Variants in APOOL observed in about 807,000 individuals in gnomAD.
APOOL encodes MICOS complex subunit MIC27.
APOOL carries 12 observed loss-of-function variants against 23.1 expected under a neutral mutation model. The ratio of observed to expected loss-of-function variants is 0.52; its 90% CI spans 0.33 to 0.84. The LOEUF (loss-of-function observed/expected upper bound fraction) is 0.84, where lower values mean the gene tolerates loss of function less well. Ranked by LOEUF, APOOL falls within the 40% of genes least tolerant of loss-of-function variation. APOOL has a pLI of 0.02. For synonymous variants in APOOL, 77 were observed against 69.9 expected (o/e 1.10, Z -0.51); for missense variants, 212 against 199.6 (o/e 1.06, Z -0.37).
Position 85,067,207 on chromosome X carries a change from A to G in APOOL, c.475A>G (p.Ile159Val). The G allele has an allele frequency of 5.3e-6, 6 of 1,137,168 alleles. No individual in the cohort carries two copies. Among genetic ancestry groups the G allele is most frequent in the African/African-American group, 1.8e-5 (1 of 55,913 alleles). 93.7% of individuals were successfully genotyped at this position (1,137,168 alleles called of 1,213,427 possible). ...ATVCYPVQSV[I>V]IAKVTAKKVY... ...TGTTTGCTACCCAGTTCAGTCCGTA[A>G]TAATTGCTAAGGTAAGTTCTTTTTA... Residue 159 changes from isoleucine (I) to valine (V), a missense_variant, in exon 6 of 9, where the codon ATA becomes GTA. By Grantham distance (29) the Ile-to-Val change is conservative. Coordinates refer to ENST00000373173, the MANE Select transcript of APOOL (RefSeq NM_198450.6).
intron 8 of APOOL, among the ~76,000 whole-genome samples, chrX:85,086,133 G>T (rs1924281955): frequency 8.9e-6 from 1 of 111,893 alleles, no homozygotes; most frequent in Non-Finnish European, 1.9e-5. Context: ...CCAAATCCAG[G>T]AGTTGATTCT....
At chrX:85,055,732 T>A in intron 4 of APOOL, 95 bp from the exon 5 acceptor site, 2 of 571,174 alleles carry the variant, frequency 3.5e-6, no homozygotes, top group Non-Finnish European at 5.3e-6. Flanking sequence ...CTCATTATTA[T>A]CTTAGCAAAT....
chrX:85,046,129 T>A (rs375241236), intron 1 of APOOL, among the ~76,000 whole-genome samples: 1 of 111,364 alleles, frequency 9.0e-6, no homozygotes, highest in Admixed American at 9.6e-5. Flanking sequence ...TCAAGACCAA[T>A]CCCACTCCAT....
rs1433905265 is a variant in APOOL at position 85,089,877 on chromosome X, C to G, written c.*2199C>G. The G allele has an allele frequency of 1.8e-5, 2 of 109,063 alleles. No individual in the cohort carries two copies. The highest frequency in any genetic ancestry group is 3.8e-5 in the Non-Finnish European group (2 of 52,707). 9.0% of individuals were successfully genotyped at this position (109,063 alleles called of 1,213,427 possible). A position where few individuals can be genotyped will look rare whatever the true frequency, so the allele number is the denominator to read the frequency against. On this transcript the variant is annotated 3_prime_UTR_variant, in exon 9 of 9. Coordinates refer to ENST00000373173, the MANE Select transcript of APOOL (RefSeq NM_198450.6). Reference sequence around the variant, plus strand: ...AATAGCCTTCAGGCTAATTTGCTCACTGTCAATCTTGCTGTCTCTCATTTC... The same window carrying G: ...AATAGCCTTCAGGCTAATTTGCTCAGTGTCAATCTTGCTGTCTCTCATTTC...
At chrX:85,029,966 A>G (rs1406489998) in intron 1 of APOOL, among the ~76,000 whole-genome samples, 1 of 112,049 alleles carries the variant, frequency 8.9e-6, no homozygotes, top group Non-Finnish European at 1.9e-5. Context: ...TTAAATAACT[A>G]AAAGTATGTC....
chrX:85,088,927 C>T lies in APOOL; in HGVS notation c.*1249C>T, dbSNP rs1458249434. On this transcript the variant is annotated 3_prime_UTR_variant, in exon 9 of 9. Transcript: ENST00000373173. Reference sequence around the variant, plus strand: ...CTTCTCTGTCTTAAATCAACAATAACAAAACAAGACAAAAACCTTTCCTTA... The same window carrying T: ...CTTCTCTGTCTTAAATCAACAATAATAAAACAAGACAAAAACCTTTCCTTA... 1 of 111,311 alleles carries T rather than the reference C, an allele frequency of 9.0e-6. No homozygotes were observed. The highest frequency in any genetic ancestry group is 2.8e-4 in the East Asian group (1 of 3,517). 9.2% of individuals were successfully genotyped at this position (111,311 alleles called of 1,213,427 possible). A position where few individuals can be genotyped will look rare whatever the true frequency, so the allele number is the denominator to read the frequency against.
At chrX:85,082,737 C>T (rs1009351023) in intron 8 of APOOL, among the ~76,000 whole-genome samples, 5 of 111,794 alleles carry the variant, frequency 4.5e-5, no homozygotes, top group Non-Finnish European at 9.4e-5. Context: ...TGACAGAGAC[C>T]ATATGGTTCA....
chrX:85,084,149 T>G (rs1266114153), intron 8 of APOOL, among the ~76,000 whole-genome samples: 5 of 102,277 alleles, frequency 4.9e-5, no homozygotes, highest in Admixed American at 1.1e-4. Context: ...TTTTTTTTTT[T>G]TTTTGAGATG....
At chrX:85,009,180 TATC>T (rs1369029573) in intron 1 of APOOL, among the ~76,000 whole-genome samples, 7 of 111,865 alleles carry the variant, frequency 6.3e-5, no homozygotes, top group Admixed American at 9.5e-5. Flanking sequence ...CTATGTATAA[TATC>T]ATGTAATCTG....
chrX:85,033,850 C>T (rs1429797751), intron 1 of APOOL, among the ~76,000 whole-genome samples: 2 of 111,750 alleles, frequency 1.8e-5, no homozygotes, highest in Non-Finnish European at 3.8e-5. Context: ...TTTCCTTTGC[C>T]AGCCATACTG....
In APOOL at chrX:85,062,011, G is replaced by A. The variant is rs184107641; in HGVS notation, c.395-5116G>A. Among the ~76,000 whole-genome samples the A allele has an allele frequency of 1.8e-3, 197 of 109,378 alleles. 1 individual carries two copies. The highest frequency in any genetic ancestry group is 3.3e-3 in the Non-Finnish European group (174 of 52,327). The allele number at this position is 109,378 out of a possible 115,157, so 95.0% of individuals were successfully genotyped here. ...AGATCTTTCCTGCTTTCTCTTGTGG[G>A]CATTTAGTACTATAAATTTCCATCT... On this transcript the variant is annotated intron_variant, in intron 5 of 8. Coordinates refer to ENST00000373173, the MANE Select transcript of APOOL (RefSeq NM_198450.6).
intron 1 of APOOL, among the ~76,000 whole-genome samples, chrX:85,026,476 A>G (rs1444681922): frequency 8.0e-5 from 9 of 113,048 alleles, no homozygotes; most frequent in Admixed American, 2.8e-4. Context: ...AGCCTGTTTG[A>G]AAAAGCTTTT....
At chrX:85,040,210 A>G (rs7880288) in intron 1 of APOOL, among the ~76,000 whole-genome samples, 2,922 of 112,066 alleles carry the variant, frequency 0.026, 97 homozygotes, top group African/African-American at 0.09. Context: ...TTATTTAAGA[A>G]TGCTGCATAT....
chrX:85,023,819 T>A (rs1208903535), intron 1 of APOOL, among the ~76,000 whole-genome samples: 2 of 112,278 alleles, frequency 1.8e-5, no homozygotes, highest in East Asian at 5.6e-4. Flanking sequence ...GGATTTTCTC[T>A]AAGATAATTT....
Position 85,090,450 on chromosome X carries a change from T to C in APOOL, c.*2772T>C, listed in dbSNP as rs1290414369. ...ACCCATTTGTCTATTATGATATAGT[T>C]GTCTTGACAACTATAATGAATAGCT... On this transcript the variant is annotated 3_prime_UTR_variant, in exon 9 of 9. Coordinates refer to ENST00000373173, the MANE Select transcript of APOOL (RefSeq NM_198450.6). The C allele has an allele frequency of 9.0e-6, 1 of 111,357 alleles. No homozygotes were observed. Among genetic ancestry groups the C allele is most frequent in the Non-Finnish European group, 1.9e-5 (1 of 53,069 alleles). The allele number at this position is 111,357 out of a possible 1,213,427, so 9.2% of individuals were successfully genotyped here.
At chrX:85,061,276 G>A (rs1344992871) in intron 5 of APOOL, among the ~76,000 whole-genome samples, 1 of 111,046 alleles carries the variant, frequency 9.0e-6, no homozygotes, top group African/African-American at 3.3e-5. Flanking sequence ...TGCTGGATTT[G>A]GTTTGCCAGT....
At chrX:85,006,942 G>A (rs1319145965) in intron 1 of APOOL, among the ~76,000 whole-genome samples, 2 of 111,549 alleles carry the variant, frequency 1.8e-5, no homozygotes, top group Non-Finnish European at 3.8e-5. Flanking sequence ...GAGAACAAGT[G>A]GAGGGATTAA....
At chrX:85,029,638 T>C (rs1259978062) in intron 1 of APOOL, among the ~76,000 whole-genome samples, 4 of 111,558 alleles carry the variant, frequency 3.6e-5, no homozygotes, top group African/African-American at 1.3e-4. Context: ...TGTGTAGTAT[T>C]ATCAAACAGA....
chrX:85,062,016 T>C lies in APOOL; in HGVS notation c.395-5111T>C, dbSNP rs933233294. Among the ~76,000 whole-genome samples, 4 of 110,998 alleles carry C rather than the reference T, an allele frequency of 3.6e-5. No individual in the cohort carries two copies. In the Admixed American group the frequency reaches 3.8e-4, roughly 11 times the overall value. ...TTTCCTGCTTTCTCTTGTGGGCATTTAGTACTATAAATTTCCATCTACACA... is the reference window on the plus strand; with the variant it reads ...TTTCCTGCTTTCTCTTGTGGGCATTCAGTACTATAAATTTCCATCTACACA... On this transcript the variant is annotated intron_variant, in intron 5 of 8. Transcript: ENST00000373173.
Sources: gnomAD v4.1 joint callset for allele counts (sites outside exome capture counted in the v4.1 genomes callset) on GRCh38, gnomAD v4.1.1 for gene constraint, MANE v1.5 for transcripts, NCBI Gene and HGNC (gene_info 2026-07-23, HGNC 2026-07-21) for gene names.